Variants in GUCY2C observed in about 807,000 individuals in gnomAD.
GUCY2C encodes the protein guanylate cyclase 2C.
Under a neutral mutation model 131.1 loss-of-function variants are expected in GUCY2C, and 118 were observed. The observed-to-expected ratio is 0.90, with a 90% CI of 0.78 to 1.05. GUCY2C has a LOEUF of 1.05. GUCY2C is among the 50% of genes least tolerant of loss of function. GUCY2C has a pLI of 0.00. For missense variants in GUCY2C, 1,161 were observed against 1,304.4 expected (o/e 0.89, Z 1.69); for synonymous variants, 452 against 457.8 (o/e 0.99, Z 0.16).
intron 1 of GUCY2C, among the ~76,000 whole-genome samples, chr12:14,695,090 AG>A (rs2137117991): frequency 6.6e-6 from 1 of 152,258 alleles, no homozygotes; most frequent in East Asian, 1.9e-4. Flanking sequence ...ATGACTAGAA[AG>A]GCCATGACGC....
intron 11 of GUCY2C, among the ~76,000 whole-genome samples, chr12:14,657,830 A>C (rs745458490): frequency 1.8e-4 from 28 of 152,138 alleles, no homozygotes; most frequent in Admixed American, 6.6e-4. Flanking sequence ...GTATAGATGA[A>C]GCAGAATTCT....
chr12:14,665,144 A>G (rs1947950303), intron 10 of GUCY2C, among the ~76,000 whole-genome samples: 1 of 145,854 alleles, frequency 6.9e-6, no homozygotes, highest in African/African-American at 2.5e-5. Context: ...TGAACCTGGG[A>G]GGCGGAAGTT....
At chr12:14,692,102 C>T (rs1014247827) in intron 1 of GUCY2C, among the ~76,000 whole-genome samples, 3 of 152,168 alleles carry the variant, frequency 2.0e-5, no homozygotes, top group African/African-American at 7.2e-5. Context: ...GTATGAGCCA[C>T]TGAGGTACCC....
At chr12:14,647,103 T>C (rs1947537546) in intron 15 of GUCY2C, among the ~76,000 whole-genome samples, 2 of 152,156 alleles carry the variant, frequency 1.3e-5, no homozygotes, top group African/African-American at 4.8e-5. Context: ...GAAGAGAGAA[T>C]GAAAAGGTCC....
rs147189551 is a variant in GUCY2C at position 14,646,463 on chromosome 12, G to A, written c.1711-1148C>T. Among the ~76,000 whole-genome samples the A allele has an allele frequency of 6.1e-3, 926 of 152,124 alleles. 6 individuals are homozygous for A. The highest frequency in any genetic ancestry group is 0.021 in the African/African-American group (852 of 41,486). On this transcript the variant is annotated intron_variant, in intron 15 of 26. Coordinates refer to ENST00000261170, the MANE Select transcript of GUCY2C (RefSeq NM_004963.4). ...TTTCTATGCCTTCTCTCCCTTTAGC[G>A]CACCATTCACCCATCCTACCCTGTT...
rs552007619 is a variant in GUCY2C at position 14,670,718 on chromosome 12, C to G, written c.1171-885G>C. On this transcript the variant is annotated intron_variant, in intron 9 of 26. Coordinates refer to ENST00000261170, the MANE Select transcript of GUCY2C (RefSeq NM_004963.4). ...TCCCCTTTCACTTGGCTCTCATTCTCTCTTGCCTGCTACCATGTAAGATGT... is the reference window on the plus strand; with the variant it reads ...TCCCCTTTCACTTGGCTCTCATTCTGTCTTGCCTGCTACCATGTAAGATGT... 1.1e-3 allele frequency among the ~76,000 whole-genome samples: 163 copies of G among 151,994 alleles called. 4 individuals carry two copies. The South Asian group carries it at 0.023, about 21-fold the overall frequency.
At chr12:14,679,896 C>CTT in intron 5 of GUCY2C, 143 bp from the exon 6 acceptor site, 2 of 404,624 alleles carry the variant, frequency 4.9e-6, no homozygotes, top group Non-Finnish European at 9.0e-6. Flanking sequence ...TTCCTCCTTC[C>CTT]TTTTTTTTTT....
In GUCY2C at chr12:14,614,929, C is replaced by T. The variant is rs762828512; in HGVS notation, c.2985G>A (p.Glu995=). 1 of 1,578,996 alleles carries T rather than the reference C, an allele frequency of 6.3e-7. No homozygotes were observed. The highest frequency in any genetic ancestry group is 1.2e-5 in the South Asian group (1 of 86,324). The stretch of plus-strand genomic sequence containing the variant: ...TCATCCCAGTCAGCCAGTAGGTAGT[C>T]TCATTTCCTCTTCCCTGGTAAGACA... ...GETYLKGRGN[E]TTYWLTGMKD... is the part of the protein sequence containing the mutation. Residue 995 remains glutamate, a synonymous_variant, in exon 26 of 27, where the codon GAG becomes GAA. Coordinates refer to ENST00000261170, the MANE Select transcript of GUCY2C (RefSeq NM_004963.4).
intron 19 of GUCY2C, among the ~76,000 whole-genome samples, chr12:14,635,526 A>C (rs555264261): frequency 6.6e-6 from 1 of 152,286 alleles, no homozygotes; most frequent in East Asian, 1.9e-4. Flanking sequence ...ATTCAAATCT[A>C]ACAAGGCACC....
chr12:14,656,437 C>A, intron 12 of GUCY2C, 75 bp downstream of exon 12: 3 of 741,296 alleles, frequency 4.0e-6, no homozygotes, highest in Non-Finnish European at 7.3e-6. Flanking sequence ...TGGCACATAT[C>A]CTGCAATGCT....
intron 10 of GUCY2C, among the ~76,000 whole-genome samples, chr12:14,667,309 T>C (rs751550): frequency 0.13 from 20,391 of 152,214 alleles, 1,647 homozygotes; most frequent in Admixed American, 0.24. Flanking sequence ...AGAAGTCAAG[T>C]TTGGTTTAAA....
At chr12:14,637,075 A>G (rs900416095) in intron 19 of GUCY2C, among the ~76,000 whole-genome samples, 3 of 151,974 alleles carry the variant, frequency 2.0e-5, no homozygotes, top group African/African-American at 7.3e-5. Flanking sequence ...CCTGGGCAAC[A>G]CAGTGAGACT....
chr12:14,676,678 G>A (rs186422921), intron 7 of GUCY2C, among the ~76,000 whole-genome samples, 176 bp downstream of exon 7: 39 of 152,262 alleles, frequency 2.6e-4, no homozygotes, highest in African/African-American at 8.7e-4. Flanking sequence ...GGATCCTGCT[G>A]TTTCAAAATG....
chr12:14,614,803 G>T, intron 26 of GUCY2C, 64 bp downstream of exon 26: 5 of 950,384 alleles, frequency 5.3e-6, no homozygotes, highest in South Asian at 3.0e-5. Flanking sequence ...ATTTAAATTG[G>T]CTGTAACTAA....
At chr12:14,666,817 T>A (rs1947991869) in intron 10 of GUCY2C, among the ~76,000 whole-genome samples, 1 of 152,122 alleles carries the variant, frequency 6.6e-6, no homozygotes, top group Non-Finnish European at 1.5e-5. Flanking sequence ...CCTAAATAAT[T>A]TCTTTTTAAC....
rs771912870 is a variant in GUCY2C, at chr12:14,639,939, T to A, written c.2080A>T (p.Arg694Ter). 6.2e-7 allele frequency: 1 copy of A among 1,601,156 alleles called. No homozygotes were observed. Among genetic ancestry groups the A allele is most frequent in the Non-Finnish European group, 8.6e-7 (1 of 1,168,318 alleles). ...SCRDRNEKIF[R>*]VENSNGMKPF... ...TTCATTCCATTGGAATTTTCCACTC[T>A]GAAAATCTTCTCTGGTTGGGTGAGA... The change falls in exon 19 of 27, where the codon AGA (arginine) becomes TGA (stop). Residue 694 changes from arginine to a stop codon, truncating the protein, a stop_gained. Transcript: ENST00000261170. LOFTEE classifies it high-confidence loss of function.
intron 9 of GUCY2C, among the ~76,000 whole-genome samples, 176 bp downstream of exon 9, chr12:14,672,697 G>A (rs1249488233): frequency 6.6e-6 from 1 of 151,982 alleles, no homozygotes; most frequent in Non-Finnish European, 1.5e-5. Flanking sequence ...AAGTTTTATG[G>A]GTCAAAATGC....
chr12:14,688,917 G>A (rs1948527503), intron 1 of GUCY2C, among the ~76,000 whole-genome samples: 2 of 152,204 alleles, frequency 1.3e-5, no homozygotes, highest in Non-Finnish European at 1.5e-5. Flanking sequence ...GGTAGTATGG[G>A]TGAGATGTGA....
At chr12:14,648,537 G>T (rs1947573047) in intron 15 of GUCY2C, among the ~76,000 whole-genome samples, 1 of 152,162 alleles carries the variant, frequency 6.6e-6, no homozygotes, top group African/African-American at 2.4e-5. Context: ...CCTCTGACTG[G>T]CATCATCCTT....
Sources: allele counts gnomAD v4.1 joint callset (sites outside exome capture counted in the v4.1 genomes callset), GRCh38; gene constraint gnomAD v4.1.1; transcripts MANE v1.5; gene names NCBI Gene and HGNC (gene_info 2026-07-23, HGNC 2026-07-21).